Variants in RSRC2 observed in about 807,000 individuals in gnomAD.
The protein encoded by RSRC2 is arginine and serine rich coiled-coil 2, also known as arginine/serine-rich coiled-coil protein 2.
In RSRC2, 5 loss-of-function variants were observed where a neutral mutation model predicts 61.3. That is an observed-to-expected ratio of 0.08 (90% CI 0.04 to 0.17). The LOEUF (loss-of-function observed/expected upper bound fraction) is 0.17, where lower values mean the gene tolerates loss of function less well. Among genes scored for constraint, RSRC2 ranks in the 10% least tolerant of loss-of-function variants. The pLI is 1.00. For missense variants in RSRC2, 381 were observed against 518.8 expected (o/e 0.73, Z 2.58); for synonymous variants, 202 against 166.5 (o/e 1.21, Z -1.64).
intron 6 of RSRC2, among the ~76,000 whole-genome samples, chr12:122,514,069 C>T (rs1381154480): frequency 6.6e-6 from 1 of 152,048 alleles, no homozygotes; most frequent in Non-Finnish European, 1.5e-5. Flanking sequence ...AAAAAAAAAT[C>T]AAAACCTAAA....
At chr12:122,508,585 G>A in intron 7 of RSRC2, 138 bp from the exon 8 acceptor site, 1 of 660,560 alleles carries the variant, frequency 1.5e-6, no homozygotes, top group Non-Finnish European at 2.6e-6. Flanking sequence ...GGAAATGACT[G>A]AGTATTAGCT....
chr12:122,526,800 A>G (rs754836176), intron 1 of RSRC2, 48 bp downstream of exon 1: 5 of 1,610,174 alleles, frequency 3.1e-6, no homozygotes, highest in Non-Finnish European at 4.3e-6. Flanking sequence ...CACTGTTGGA[A>G]CGTAGCAGAA....
chr12:122,514,710 A>G (rs1205965937), intron 6 of RSRC2: 2 of 1,159,512 alleles, frequency 1.7e-6, no homozygotes, highest in Non-Finnish European at 2.2e-6. Context: ...AATTTTACTT[A>G]CTGTTTCAGG....
At chr12:122,512,053 G>A (rs1286013086) in intron 6 of RSRC2, among the ~76,000 whole-genome samples, 3 of 152,094 alleles carry the variant, frequency 2.0e-5, no homozygotes, top group Admixed American at 6.6e-5. Context: ...TGATCCGCCC[G>A]CCTTGGCCTC....
At chr12:122,525,205 C>T (rs1051437653) in intron 1 of RSRC2, among the ~76,000 whole-genome samples, 7 of 152,092 alleles carry the variant, frequency 4.6e-5, no homozygotes, top group African/African-American at 1.7e-4. Flanking sequence ...GAAACCCCGT[C>T]TCTACCAAAA....
intron 1 of RSRC2, 140 bp downstream of exon 1, chr12:122,526,708 A>G: frequency 1.3e-6 from 1 of 745,614 alleles, no homozygotes; most frequent in Non-Finnish European, 2.2e-6. Context: ...GCAGGCAGCC[A>G]TGATGGCGGG....
At chr12:122,522,497 G>T in intron 1 of RSRC2, 198 bp from the exon 2 acceptor site, 1 of 464,318 alleles carries the variant, frequency 2.2e-6, no homozygotes, top group Non-Finnish European at 3.8e-6. Context: ...ACTAAAGCAA[G>T]ACCTACATAT....
rs988469591 is a variant in RSRC2, at chr12:122,513,553, T to C, written c.725+1552A>G. ...CAAAAACACAAACAGAATAGACTTA[T>C]GGCATTCAAGTAAATAAGAGCTTAA... On this transcript the variant is annotated intron_variant, in intron 6 of 9. Coordinates refer to ENST00000331738, the MANE Select transcript of RSRC2 (RefSeq NM_023012.6). 3.3e-5 allele frequency among the ~76,000 whole-genome samples: 5 copies of C among 152,306 alleles called. No individual in the cohort carries two copies. In the South Asian group the frequency reaches 6.2e-4, roughly 19 times the overall value.
intron 7 of RSRC2, among the ~76,000 whole-genome samples, chr12:122,510,524 G>C (rs571022952): frequency 4.7e-5 from 7 of 150,066 alleles, no homozygotes; most frequent in Admixed American, 2.0e-4. Flanking sequence ...GCGAGACTCC[G>C]TAACAACAAC....
At chr12:122,519,149 T>TA (rs751695960) in intron 3 of RSRC2, 120 bp from the exon 4 acceptor site, 25 of 725,736 alleles carry the variant, frequency 3.4e-5, no homozygotes, top group South Asian at 1.4e-4. Context: ...GTGTGGCAAA[T>TA]AAAAAAAAGA....
intron 6 of RSRC2, among the ~76,000 whole-genome samples, chr12:122,514,087 T>A (rs1412635876): frequency 6.6e-6 from 1 of 152,138 alleles, no homozygotes; most frequent in Non-Finnish European, 1.5e-5. Flanking sequence ...AAAAAGTCTA[T>A]TTTTCAAAAT....
intron 1 of RSRC2, 57 bp downstream of exon 1, chr12:122,526,791 A>C (rs1267494542): frequency 6.2e-7 from 1 of 1,602,046 alleles, no homozygotes; most frequent in Non-Finnish European, 8.6e-7. Flanking sequence ...CCGTTCACCC[A>C]CTGTTGGAAC....
chr12:122,520,338 G>A (rs886576399), intron 3 of RSRC2: 1 of 373,296 alleles, frequency 2.7e-6, no homozygotes, highest in Non-Finnish European at 5.0e-6. Flanking sequence ...CTATAACGAG[G>A]CAGACTGGAA....
At chr12:122,510,547 CATG>C (rs1273819306) in intron 7 of RSRC2, among the ~76,000 whole-genome samples, 2 of 152,176 alleles carry the variant, frequency 1.3e-5, no homozygotes, top group South Asian at 2.1e-4. Flanking sequence ...CAAGATCTGT[CATG>C]ATGACTAGTG....
In RSRC2 at chr12:122,505,428, A is replaced by G; in HGVS notation, c.*99T>C. The G allele has an allele frequency of 9.2e-7, 1 of 1,091,366 alleles. No individual in the cohort carries two copies. The highest frequency in any genetic ancestry group is 1.3e-6 in the Non-Finnish European group (1 of 749,614). The allele number at this position is 1,091,366 out of a possible 1,614,324, so 67.6% of individuals were successfully genotyped here. A position where few individuals can be genotyped will look rare whatever the true frequency, so the allele number is the denominator to read the frequency against. On this transcript the variant is annotated 3_prime_UTR_variant, in exon 10 of 10. Transcript: ENST00000331738. ...TTTTTCAATAAATTAAAGTCAATGCAACACCCATGCAAGCTAGAGTGCTAG... is the reference window on the plus strand; with the variant it reads ...TTTTTCAATAAATTAAAGTCAATGCGACACCCATGCAAGCTAGAGTGCTAG...
At position 122,505,727 on chromosome 12, in the gene RSRC2, A is replaced by G. The variant is rs760847546; in HGVS notation, c.1126-21T>C. ...TCACTCTAAAAATCAGACATAAAACATTACAATGAATTCAGATGGAGATAA... is the reference window on the plus strand; with the variant it reads ...TCACTCTAAAAATCAGACATAAAACGTTACAATGAATTCAGATGGAGATAA... On this transcript the variant is annotated intron_variant, in intron 9 of 9. Coordinates refer to ENST00000331738, the MANE Select transcript of RSRC2 (RefSeq NM_023012.6). 5 of 1,584,426 alleles carry G rather than the reference A, an allele frequency of 3.2e-6. No individual in the cohort carries two copies. In the African/African-American group the frequency reaches 6.8e-5, roughly 21 times the overall value.
At chr12:122,522,047 C>T in intron 2 of RSRC2, 96 bp downstream of exon 2, 1 of 1,301,392 alleles carries the variant, frequency 7.7e-7, no homozygotes. Context: ...GCCACCATGC[C>T]CAGCCAACAA....
intron 1 of RSRC2, among the ~76,000 whole-genome samples, chr12:122,524,460 A>C (rs377622443): frequency 6.6e-6 from 1 of 152,228 alleles, no homozygotes; most frequent in Non-Finnish European, 1.5e-5. Context: ...CAAGACTAGA[A>C]TCGAAAACAA....
Position 122,504,646 on chromosome 12 carries a change from A to C in RSRC2, c.*881T>G, listed in dbSNP as rs1566317473. On this transcript the variant is annotated 3_prime_UTR_variant, in exon 10 of 10. Transcript: ENST00000331738. ...CTGTCTCAAAAAAACAAACAAAAAA[A>C]ATTTCTAATATTTTAATATTTTATA... 1.3e-5 allele frequency: 2 copies of C among 152,596 alleles called. No homozygotes were observed. Among genetic ancestry groups the C allele is most frequent in the Non-Finnish European group, 2.9e-5 (2 of 68,042 alleles). 9.5% of individuals were successfully genotyped at this position (152,596 alleles called of 1,614,324 possible). A position where few individuals can be genotyped will look rare whatever the true frequency, so the allele number is the denominator to read the frequency against.
Sources: gnomAD v4.1 joint callset for allele counts (sites outside exome capture counted in the v4.1 genomes callset) on GRCh38, gnomAD v4.1.1 for gene constraint, MANE v1.5 for transcripts, NCBI Gene and HGNC (gene_info 2026-07-23, HGNC 2026-07-21) for gene names.